ATP8A2: variants seen among roughly 807,000 people sequenced by gnomAD.
ATP8A2 encodes the protein ATPase phospholipid transporting 8A2.
ATP8A2 carries 100 observed loss-of-function variants against 165.6 expected under a neutral mutation model. That is an observed-to-expected ratio of 0.60 (90% confidence interval 0.51 to 0.71). The LOEUF is 0.71. ATP8A2 is among the 30% of genes least tolerant of loss of function. The probability of loss-of-function intolerance (pLI) is 0.00; values close to 1 mark genes in which losing one functional copy is unlikely to be tolerated. For missense variants in ATP8A2, 1,227 were observed against 1,479.5 expected (o/e 0.83, Z 2.80); for synonymous variants, 543 against 548.8 (o/e 0.99, Z 0.15).
intron 25 of ATP8A2, among the ~76,000 whole-genome samples, chr13:25,705,956 G>T (rs17585062): frequency 0.28 from 42,932 of 152,136 alleles, 7,758 homozygotes; most frequent in Middle Eastern, 0.41. Flanking sequence ...GGATAGTCAG[G>T]TTAACAATGT....
intron 10 of ATP8A2, among the ~76,000 whole-genome samples, chr13:25,550,706 C>G (rs1356789621): frequency 1.3e-5 from 2 of 152,202 alleles, no homozygotes; most frequent in East Asian, 3.8e-4. Context: ...CAGCTTTCTC[C>G]TGTCCAGGCC....
intron 2 of ATP8A2, among the ~76,000 whole-genome samples, chr13:25,494,531 T>TG (rs2036616884): frequency 6.6e-6 from 1 of 152,198 alleles, no homozygotes; most frequent in Admixed American, 6.5e-5. Context: ...GAGGAGACTG[T>TG]GGGGACACAG....
intron 33 of ATP8A2, chr13:25,944,647 A>T (rs1955159261): frequency 6.6e-6 from 1 of 152,214 alleles, no homozygotes; most frequent in Non-Finnish European, 1.5e-5. Context: ...CTAAGGAGTG[A>T]TGAACAAGCC....
intron 1 of ATP8A2, among the ~76,000 whole-genome samples, chr13:25,374,442 G>C (rs551863969): frequency 2.8e-4 from 43 of 152,368 alleles, no homozygotes; most frequent in Non-Finnish European, 5.1e-4. Context: ...GGGAGAAGCA[G>C]ATCGAGTGGT....
At chr13:25,636,538 CTTATTA>C (rs1272256446) in intron 24 of ATP8A2, among the ~76,000 whole-genome samples, 3 of 152,064 alleles carry the variant, frequency 2.0e-5, no homozygotes, top group Non-Finnish European at 4.4e-5. Context: ...GAAATATCAT[CTTATTA>C]TTATTATTTT....
chr13:26,019,070 G>T (rs1296157843), intron 36 of ATP8A2, among the ~76,000 whole-genome samples: 1 of 152,044 alleles, frequency 6.6e-6, no homozygotes, highest in Non-Finnish European at 1.5e-5. Context: ...ACCCTACTTT[G>T]ATTACTTATT....
intron 25 of ATP8A2, among the ~76,000 whole-genome samples, chr13:25,745,135 GTT>G (rs1479068320): frequency 1.3e-5 from 2 of 152,138 alleles, no homozygotes; most frequent in Non-Finnish European, 2.9e-5. Context: ...TAGAGACGGG[GTT>G]TTGCCATGTT....
chr13:25,720,666 C>T (rs1161400673), intron 25 of ATP8A2, among the ~76,000 whole-genome samples: 1 of 152,196 alleles, frequency 6.6e-6, no homozygotes, highest in East Asian at 1.9e-4. Flanking sequence ...CGTGCCCACC[C>T]CTCAGGTGTG....
intron 24 of ATP8A2, among the ~76,000 whole-genome samples, chr13:25,638,208 C>T (rs2041421641): frequency 6.6e-6 from 1 of 152,220 alleles, no homozygotes; most frequent in Admixed American, 6.5e-5. Context: ...ACCTCTCCCC[C>T]TCCAAAGGAA....
At chr13:25,843,350 C>G (rs1156713044) in intron 30 of ATP8A2, among the ~76,000 whole-genome samples, 1 of 152,164 alleles carries the variant, frequency 6.6e-6, no homozygotes, top group African/African-American at 2.4e-5. Context: ...CTGGAAAAAA[C>G]AGTAACCTCC....
chr13:25,402,477 C>T (rs2033668482), intron 1 of ATP8A2, among the ~76,000 whole-genome samples: 1 of 152,126 alleles, frequency 6.6e-6, no homozygotes, highest in Admixed American at 6.5e-5. Context: ...AAAATAGCAT[C>T]GTTTCTTTTC....
Position 25,795,818 on chromosome 13 carries a change from A to C in ATP8A2, c.2679+20859A>C, listed in dbSNP as rs370542138. ...AGAATTTTTTTCTGGTCCTTTATTG[A>C]ACTTCATTACTTAATTAGTCCTTAG... is the stretch of plus-strand genomic sequence containing the variant. On this transcript the variant is annotated intron_variant, in intron 27 of 36. Transcript: ENST00000381655. 7.9e-4 allele frequency among the ~76,000 whole-genome samples: 121 copies of C among 152,290 alleles called. 1 individual carries two copies. The highest frequency in any genetic ancestry group is 3.1e-3 in the South Asian group (15 of 4,824).
chr13:25,572,682 G>T (rs894269482), intron 18 of ATP8A2, among the ~76,000 whole-genome samples: 1 of 152,166 alleles, frequency 6.6e-6, no homozygotes, highest in Non-Finnish European at 1.5e-5. Flanking sequence ...CTGTTTTATT[G>T]TTGTCTGCAT....
intron 35 of ATP8A2, among the ~76,000 whole-genome samples, chr13:25,981,259 A>G (rs1337296357): frequency 6.6e-6 from 1 of 151,842 alleles, no homozygotes; most frequent in African/African-American, 2.4e-5. Flanking sequence ...ACAAAGAAGG[A>G]ACCAACAGTT....
intron 29 of ATP8A2, 151 bp downstream of exon 29, chr13:25,837,436 C>G (rs1593426749): frequency 2.0e-6 from 1 of 510,754 alleles, no homozygotes; most frequent in Non-Finnish European, 3.3e-6. Flanking sequence ...CACACACACA[C>G]ACACACACAC....
chr13:25,591,300 A>G (rs1386380515), intron 24 of ATP8A2: 1 of 456,440 alleles, frequency 2.2e-6, no homozygotes, highest in East Asian at 6.9e-5. Flanking sequence ...CCTTTGAACA[A>G]CTACTCTCCA....
At chr13:25,674,842 A>G (rs1367855068) in intron 24 of ATP8A2, among the ~76,000 whole-genome samples, 1 of 152,256 alleles carries the variant, frequency 6.6e-6, no homozygotes, top group African/African-American at 2.4e-5. Flanking sequence ...ATTTGCTTAT[A>G]GAATTAAACC....
intron 33 of ATP8A2, among the ~76,000 whole-genome samples, chr13:25,944,203 T>A (rs1389625221): frequency 6.6e-6 from 1 of 152,216 alleles, no homozygotes; most frequent in East Asian, 1.9e-4. Flanking sequence ...AGCCATTGTC[T>A]GTTAGGCATA....
intron 30 of ATP8A2, among the ~76,000 whole-genome samples, chr13:25,853,123 C>T (rs965484822): frequency 2.6e-5 from 4 of 151,034 alleles, no homozygotes; most frequent in Non-Finnish European, 1.5e-5. Context: ...TGGTCAGGTG[C>T]GGTGGCTGTA....
Sources: allele counts gnomAD v4.1 joint callset (sites outside exome capture counted in the v4.1 genomes callset), GRCh38; gene constraint gnomAD v4.1.1; transcripts MANE v1.5; gene names NCBI Gene and HGNC (gene_info 2026-07-23, HGNC 2026-07-21).